Variants in SHROOM3 observed in about 807,000 individuals in gnomAD.
SHROOM3 encodes protein Shroom3.
SHROOM3 carries 47 observed loss-of-function variants against 138.6 expected under a neutral mutation model. That is an observed-to-expected ratio of 0.34 (90% CI 0.27 to 0.43). The LOEUF (loss-of-function observed/expected upper bound fraction) is 0.43. Among genes scored for constraint, SHROOM3 ranks in the 20% least tolerant of loss-of-function variants. The pLI is 1.00. For missense variants in SHROOM3, 2,491 were observed against 2,596.5 expected (o/e 0.96, Z 0.88); for synonymous variants, 1,062 against 1,063.3 (o/e 1.00, Z 0.02).
intron 2 of SHROOM3, among the ~76,000 whole-genome samples, chr4:76,600,177 A>C (rs72661435): frequency 0.084 from 12,808 of 152,122 alleles, 590 homozygotes; most frequent in East Asian, 0.15. Context: ...ACAAAAACCC[A>C]AAAAATAAAC....
At chr4:76,487,128 T>A (rs925689716) in intron 1 of SHROOM3, among the ~76,000 whole-genome samples, 3 of 152,308 alleles carry the variant, frequency 2.0e-5, no homozygotes, top group Middle Eastern at 6.8e-3. Flanking sequence ...CAACCACTTA[T>A]CTACTTTCTG....
At chr4:76,602,763 A>G (rs1734532393) in intron 2 of SHROOM3, among the ~76,000 whole-genome samples, 1 of 152,198 alleles carries the variant, frequency 6.6e-6, no homozygotes, top group African/African-American at 2.4e-5. Flanking sequence ...CCCTGGAGCC[A>G]GACTGCCTGG....
At chr4:76,520,372 A>G (rs1732537861) in intron 1 of SHROOM3, among the ~76,000 whole-genome samples, 1 of 152,120 alleles carries the variant, frequency 6.6e-6, no homozygotes, top group Non-Finnish European at 1.5e-5. Context: ...AACACTAGTA[A>G]TAACAATTAA....
chr4:76,543,485 GTA>G (rs1456615300), intron 1 of SHROOM3, among the ~76,000 whole-genome samples: 1 of 151,854 alleles, frequency 6.6e-6, no homozygotes, highest in Admixed American at 6.6e-5. Flanking sequence ...GACAATATTT[GTA>G]TCAGTCAGAA....
At chr4:76,590,237 G>A (rs1009375163) in intron 2 of SHROOM3, among the ~76,000 whole-genome samples, 1 of 152,080 alleles carries the variant, frequency 6.6e-6, no homozygotes, top group Non-Finnish European at 1.5e-5. Context: ...CTAAATTGAG[G>A]ACAGCACCCT....
At chr4:76,556,930 T>A (rs1216312215) in intron 2 of SHROOM3, among the ~76,000 whole-genome samples, 1 of 152,122 alleles carries the variant, frequency 6.6e-6, no homozygotes, top group Non-Finnish European at 1.5e-5. Context: ...TGCTGGGCTG[T>A]GTCTGGTCTG....
At position 76,511,187 on chromosome 4, in the gene SHROOM3, AT is replaced by A. The variant is rs1323548088; in HGVS notation, c.169-44421del. Among the ~76,000 whole-genome samples, 273 of 140,772 alleles carry A rather than the reference AT, an allele frequency of 1.9e-3. 2 individuals are homozygous for A. The highest frequency in any genetic ancestry group is 6.3e-3 in the African/African-American group (240 of 37,842). The allele number at this position is 140,772 out of a possible 152,430, so 92.4% of individuals were successfully genotyped here. A position where few individuals can be genotyped will look rare whatever the true frequency, so the allele number is the denominator to read the frequency against. On this transcript the variant is annotated intron_variant, in intron 1 of 10. Transcript: ENST00000296043. The stretch of plus-strand genomic sequence containing the variant: ...ACAAGAGGGAAACTCCATCTCAAAA[AT>A]AATAATAATAATAATAATAATGCCA...
intron 2 of SHROOM3, among the ~76,000 whole-genome samples, chr4:76,642,068 T>G (rs1735686202): frequency 6.6e-6 from 1 of 152,226 alleles, no homozygotes; most frequent in Non-Finnish European, 1.5e-5. Flanking sequence ...GCCCTCAATG[T>G]TGGCTCATTC....
At chr4:76,767,681 AAAAAC>A (rs1175709740) in intron 9 of SHROOM3, among the ~76,000 whole-genome samples, 16 of 152,152 alleles carry the variant, frequency 1.1e-4, no homozygotes, top group Non-Finnish European at 2.4e-4. Context: ...TCCATCTCAA[AAAAAC>A]AAAACAACAA....
chr4:76,673,703 C>A (rs573565670), intron 2 of SHROOM3, among the ~76,000 whole-genome samples: 3 of 152,220 alleles, frequency 2.0e-5, no homozygotes, highest in East Asian at 3.9e-4. Flanking sequence ...AAATACATAA[C>A]ATAAAATTTA....
intron 3 of SHROOM3, among the ~76,000 whole-genome samples, chr4:76,720,698 G>A (rs1269740522): frequency 6.8e-6 from 1 of 147,658 alleles, no homozygotes; most frequent in African/African-American, 2.5e-5. Flanking sequence ...TTGCAACCTC[G>A]CCTCCCGGAG....
intron 2 of SHROOM3, among the ~76,000 whole-genome samples, chr4:76,700,777 T>A (rs1427170296): frequency 1.3e-5 from 2 of 151,532 alleles, no homozygotes; most frequent in East Asian, 1.9e-4. Flanking sequence ...TCTTTCTTTC[T>A]TTTATTTATT....
At chr4:76,451,523 C>T (rs1011393814) in intron 1 of SHROOM3, among the ~76,000 whole-genome samples, 7 of 152,112 alleles carry the variant, frequency 4.6e-5, no homozygotes, top group African/African-American at 1.7e-4. Context: ...GACTAGGGCA[C>T]AAGGGATGAT....
intron 1 of SHROOM3, among the ~76,000 whole-genome samples, chr4:76,478,419 C>T (rs1731534164): frequency 6.6e-6 from 1 of 152,252 alleles, no homozygotes; most frequent in African/African-American, 2.4e-5. Context: ...AGCCAGACTG[C>T]CTCTCTAGAT....
chr4:76,666,687 T>C (rs906169047), intron 2 of SHROOM3, among the ~76,000 whole-genome samples: 6 of 152,190 alleles, frequency 3.9e-5, no homozygotes, highest in African/African-American at 9.7e-5. Context: ...TGTTATAAGA[T>C]GTATGATAAA....
At chr4:76,529,321 CT>C (rs796611497) in intron 1 of SHROOM3, among the ~76,000 whole-genome samples, 28 of 146,670 alleles carry the variant, frequency 1.9e-4, no homozygotes, top group East Asian at 5.9e-4. Context: ...TTGTAGGATT[CT>C]TTTTTTTTTT....
intron 2 of SHROOM3, among the ~76,000 whole-genome samples, chr4:76,587,948 A>G (rs1333241642): frequency 1.3e-5 from 2 of 152,220 alleles, no homozygotes; most frequent in Non-Finnish European, 2.9e-5. Context: ...ATTACAACCT[A>G]GAGAATATAT....
intron 2 of SHROOM3, among the ~76,000 whole-genome samples, chr4:76,675,782 A>G (rs1389829028): frequency 6.6e-6 from 1 of 152,182 alleles, no homozygotes; most frequent in African/African-American, 2.4e-5. Context: ...CTTAAGCCCA[A>G]GGATCCCTCT....
intron 1 of SHROOM3, among the ~76,000 whole-genome samples, chr4:76,551,509 G>A (rs1193795660): frequency 6.6e-6 from 1 of 152,180 alleles, no homozygotes. Context: ...GCAGCTTTTA[G>A]CACCATAGCT....
Sources: gnomAD v4.1 joint callset for allele counts (sites outside exome capture counted in the v4.1 genomes callset) on GRCh38, gnomAD v4.1.1 for gene constraint, MANE v1.5 for transcripts, NCBI Gene and HGNC (gene_info 2026-07-23, HGNC 2026-07-21) for gene names.